The following PRKACB variants were observed in gnomAD, a reference collection of about 807,000 sequenced individuals.
PRKACB encodes the protein protein kinase cAMP-activated catalytic subunit beta, also known as cAMP-dependent protein kinase catalytic subunit beta.
PRKACB carries 16 observed loss-of-function variants against 51.4 expected under a neutral mutation model. The observed-to-expected ratio is 0.31, with a 90% confidence interval of 0.21 to 0.47. The LOEUF (loss-of-function observed/expected upper bound fraction) is 0.47, where lower values mean the gene tolerates loss of function less well. Ranked by LOEUF, PRKACB falls within the 20% of genes least tolerant of loss-of-function variation. The probability of loss-of-function intolerance (pLI) is 1.00; values close to 1 mark genes in which losing one functional copy is unlikely to be tolerated. For missense variants in PRKACB, 309 were observed against 464.5 expected (o/e 0.67, Z 3.08); for synonymous variants, 147 against 154.4 (o/e 0.95, Z 0.35).
chr1:84,206,344 C>T (rs1336384275), intron 8 of PRKACB, among the ~76,000 whole-genome samples: 2 of 151,980 alleles, frequency 1.3e-5, no homozygotes, highest in African/African-American at 4.8e-5. Flanking sequence ...GATTATCAGC[C>T]CAATTGCTAT....
upstream of PRKACB, among the ~76,000 whole-genome samples, chr1:84,139,739 C>T (rs1038316236): frequency 6.6e-6 from 1 of 152,074 alleles, no homozygotes; most frequent in African/African-American, 2.4e-5. Context: ...GGTGAAGAAA[C>T]TGTAGTAGCC....
chr1:84,199,115 G>GCATATATATATATATA lies in PRKACB; in HGVS notation c.783+1292_783+1307dup, dbSNP rs1491277781. Among the ~76,000 whole-genome samples, 70 of 96,014 alleles carry GCATATATATATATATA rather than the reference G, an allele frequency of 7.3e-4. 3 individuals carry two copies. Among genetic ancestry groups the GCATATATATATATATA allele is most frequent in the Non-Finnish European group, 1.6e-4 (7 of 42,646 alleles). The allele number at this position is 96,014 out of a possible 152,430, so 63.0% of individuals were successfully genotyped here. ...TATATATGCATATATGTATATATATGCATATATATATATATATACACACAC... is the reference window on the plus strand; with the variant it reads ...TATATATGCATATATGTATATATATGCATATATATATATATACATATATATATATATATACACACAC... On this transcript the variant is annotated intron_variant, in intron 7 of 9. Coordinates refer to ENST00000370685, the MANE Select transcript of PRKACB (RefSeq NM_182948.4).
chr1:84,120,055 C>G (rs1285554552), intron 1 of PRKACB, among the ~76,000 whole-genome samples: 1 of 151,986 alleles, frequency 6.6e-6, no homozygotes, highest in African/African-American at 2.4e-5. Flanking sequence ...AGTAACTTTC[C>G]TTTTCGGCCT....
At chr1:84,141,753 G>A (rs879770105), upstream of PRKACB, among the ~76,000 whole-genome samples, 13 of 152,106 alleles carry the variant, frequency 8.5e-5, no homozygotes, top group African/African-American at 1.4e-4. Flanking sequence ...AAATGAATAC[G>A]GTCCAGCTGA....
At chr1:84,179,262 A>G (rs764684252) in intron 2 of PRKACB, 24 bp downstream of exon 2, 1 of 1,532,364 alleles carries the variant, frequency 6.5e-7, no homozygotes, top group Non-Finnish European at 8.7e-7. Flanking sequence ...AGATTTTTCT[A>G]AAATTAAAAA....
At chr1:84,116,977 T>C (rs559124186) in intron 1 of PRKACB, among the ~76,000 whole-genome samples, 2 of 152,284 alleles carry the variant, frequency 1.3e-5, no homozygotes, top group South Asian at 4.1e-4. Flanking sequence ...CTTTATTATT[T>C]TGAGATATGT....
At chr1:84,149,432 T>C (rs533698008) in intron 1 of PRKACB, among the ~76,000 whole-genome samples, 2 of 152,218 alleles carry the variant, frequency 1.3e-5, no homozygotes, top group South Asian at 4.1e-4. Context: ...GCTAATTTTT[T>C]GTATTTTTGG....
Position 84,235,160 on chromosome 1 carries a change from T to TC in PRKACB, c.1072-19dup. On this transcript the variant is annotated intron_variant, in intron 9 of 9. Coordinates refer to ENST00000370685, the MANE Select transcript of PRKACB (RefSeq NM_182948.4). Reference sequence around the variant, plus strand: ...ATTTTTTTTTCCTTTTTCTTATTTTTCTCTCCCTCTCAATTATAGGTTGAA... The same window carrying TC: ...ATTTTTTTTTCCTTTTTCTTATTTTTCCTCTCCCTCTCAATTATAGGTTGAA... 1 of 1,576,992 alleles carries TC rather than the reference T, an allele frequency of 6.3e-7. No individual in the cohort carries two copies. The highest frequency in any genetic ancestry group is 1.2e-5 in the South Asian group (1 of 84,832).
At chr1:84,151,486 A>G (rs1266826271) in intron 1 of PRKACB, among the ~76,000 whole-genome samples, 1 of 152,168 alleles carries the variant, frequency 6.6e-6, no homozygotes, top group Non-Finnish European at 1.5e-5. Flanking sequence ...TATTTTCATA[A>G]AAGATTTCTC....
chr1:84,164,268 G>A, intron 1 of PRKACB: 1 of 1,471,780 alleles, frequency 6.8e-7, no homozygotes, highest in Admixed American at 2.3e-5. Flanking sequence ...AGCGATCTCG[G>A]CAATAAGATT....
chr1:84,109,396 C>T (rs1270539573), intron 1 of PRKACB, among the ~76,000 whole-genome samples: 2 of 151,858 alleles, frequency 1.3e-5, no homozygotes. Flanking sequence ...TTTTTCCTTT[C>T]ACTTTTGCTT....
At chr1:84,079,719 G>A (rs1424707930) in intron 1 of PRKACB, among the ~76,000 whole-genome samples, 46 of 152,168 alleles carry the variant, frequency 3.0e-4, no homozygotes, top group Non-Finnish European at 7.3e-5. Context: ...AGGCTGGAGT[G>A]CAATGGTGCA....
In PRKACB at chr1:84,238,368, T is replaced by G. The variant is rs929816502; in HGVS notation, c.*3063T>G. On this transcript the variant is annotated 3_prime_UTR_variant, in exon 10 of 10. Coordinates refer to ENST00000370685, the MANE Select transcript of PRKACB (RefSeq NM_182948.4). The stretch of plus-strand genomic sequence containing the variant: ...TGTAAAATGTTAAGGTGTGTTGTTA[T>G]TTCATTAATTACTTCTTTGTTTAGA... The G allele has an allele frequency of 6.6e-6, 1 of 152,632 alleles. No individual in the cohort carries two copies. Among genetic ancestry groups the G allele is most frequent in the African/African-American group, 2.4e-5 (1 of 41,464 alleles). The allele number at this position is 152,632 out of a possible 1,614,324, so 9.5% of individuals were successfully genotyped here.
At chr1:84,113,416 T>A (rs1305286754) in intron 1 of PRKACB, among the ~76,000 whole-genome samples, 1 of 152,186 alleles carries the variant, frequency 6.6e-6, no homozygotes, top group Admixed American at 6.5e-5. Context: ...CAGACATTGC[T>A]GGTGGAAATA....
chr1:84,182,783 AT>A (rs1019201154), intron 3 of PRKACB, among the ~76,000 whole-genome samples: 5 of 51,864 alleles, frequency 9.6e-5, no homozygotes, highest in African/African-American at 2.0e-4. Flanking sequence ...GCACCTGGGC[AT>A]TTTGGTTTCT....
intron 8 of PRKACB, among the ~76,000 whole-genome samples, chr1:84,204,224 T>C (rs1174494700): frequency 9.7e-6 from 1 of 103,510 alleles, no homozygotes; most frequent in African/African-American, 3.0e-5. Context: ...TAGAAAGTTT[T>C]ATTTATTATC....
intron 1 of PRKACB, chr1:84,078,482 G>A: frequency 7.9e-7 from 1 of 1,267,834 alleles, no homozygotes; most frequent in South Asian, 1.4e-5. Context: ...CCTAGCAGCG[G>A]CCGCCGGGAG....
chr1:84,170,964 C>G (rs577695568), intron 1 of PRKACB, among the ~76,000 whole-genome samples: 1 of 151,478 alleles, frequency 6.6e-6, no homozygotes, highest in South Asian at 2.1e-4. Context: ...ATGTATTCAA[C>G]AAATTTCAAA....
chr1:84,134,412 G>GA (rs1237225189), intron 1 of PRKACB, among the ~76,000 whole-genome samples: 7 of 152,116 alleles, frequency 4.6e-5, no homozygotes, highest in Non-Finnish European at 7.4e-5. Context: ...ATACCATATG[G>GA]ATAAGGGAAA....
Sources: allele counts gnomAD v4.1 joint callset (sites outside exome capture counted in the v4.1 genomes callset), GRCh38; gene constraint gnomAD v4.1.1; transcripts MANE v1.5; gene names NCBI Gene and HGNC (gene_info 2026-07-23, HGNC 2026-07-21).